CD163: variants seen among roughly 807,000 people sequenced by gnomAD.
CD163 encodes CD163 molecule.
A neutral mutation model predicts 129.2 loss-of-function variants in CD163; 64 were observed. That is an observed-to-expected ratio of 0.50 (90% confidence interval 0.41 to 0.61). The LOEUF (loss-of-function observed/expected upper bound fraction) is 0.61, where lower values mean the gene tolerates loss of function less well. Among genes scored for constraint, CD163 ranks in the 20% least tolerant of loss-of-function variants. The probability of loss-of-function intolerance (pLI) is 0.00; values close to 1 mark genes in which losing one functional copy is unlikely to be tolerated. For synonymous variants in CD163, 446 were observed against 478.5 expected, an observed-to-expected ratio of 0.93 and a Z score of 0.89; for missense variants, 1,061 against 1,377.9, an observed-to-expected ratio of 0.77 and a Z score of 3.64.
intron 16 of CD163, among the ~76,000 whole-genome samples, chr12:7,472,094 G>C (rs1949013414): frequency 6.6e-6 from 1 of 152,262 alleles, no homozygotes. Flanking sequence ...CCCTGGGACA[G>C]AGCACCTGGG....
Position 7,487,968 on chromosome 12 carries a change from C to T in CD163, c.1540G>A (p.Val514Ile), listed in dbSNP as rs774229513. The T allele has an allele frequency of 7.5e-5, 121 of 1,614,156 alleles. No individual in the cohort carries two copies. The highest frequency in any genetic ancestry group is 6.8e-4 in the South Asian group (62 of 91,080). The change falls in exon 7 of 17, where the codon GTT (valine) becomes ATT (isoleucine). Residue 514 changes from valine (V) to isoleucine (I), a missense_variant. By Grantham distance (29) the Val-to-Ile change is conservative (BLOSUM62 3). Transcript: ENST00000432237. The surrounding 1 kb of genome is among the most constrained non-coding windows in gnomAD (Gnocchi z 5.1). ...DSDFSLEAAS[V>I]LCRELQCGTV... is the part of the protein sequence containing the mutation. Reference sequence around the variant, plus strand: ...CCACACTGTAATTCCCTGCATAGAACGCTGGCAGCTTCCAGAGAGAAGTCC... The same window carrying T: ...CCACACTGTAATTCCCTGCATAGAATGCTGGCAGCTTCCAGAGAGAAGTCC...
In CD163 at chr12:7,483,160, G is replaced by C. The variant is rs1591996850; in HGVS notation, c.3089-156C>G. The C allele has an allele frequency of 3.6e-6, 3 of 829,632 alleles. No individual in the cohort carries two copies. The East Asian group carries it at 7.6e-5, about 21-fold the overall frequency. 51.4% of individuals were successfully genotyped at this position (829,632 alleles called of 1,614,324 possible). ...CCTCTAGTCTTTCTTTCTCTGCACAGGGAATATAGGTTGTATGTGTCTCCT... is the reference window on the plus strand; with the variant it reads ...CCTCTAGTCTTTCTTTCTCTGCACACGGAATATAGGTTGTATGTGTCTCCT... On this transcript the variant is annotated intron_variant, in intron 12 of 16. Transcript: ENST00000432237.
chr12:7,484,031 G>A (rs1338904574), intron 11 of CD163, among the ~76,000 whole-genome samples: 2 of 150,562 alleles, frequency 1.3e-5, no homozygotes, highest in South Asian at 2.1e-4. Context: ...TAGTAGAGAC[G>A]GGGTTTCACC....
intron 5 of CD163, 43 bp from the exon 6 acceptor site, chr12:7,495,444 G>T (rs375882622): frequency 3.2e-6 from 5 of 1,556,056 alleles, no homozygotes; most frequent in Non-Finnish European, 4.4e-6. Flanking sequence ...ACATATGGAG[G>T]TTAGCTTCCA....
In CD163 at chr12:7,471,392, G is replaced by A. The variant is rs772427443; in HGVS notation, c.*37C>T. On this transcript the variant is annotated 3_prime_UTR_variant, in exon 17 of 17. Transcript: ENST00000432237. ...AGGTCTTCATCAAGGTATCTTAAAGGCTGAACTAAAACCATAAATAGAAAA... is the reference window on the plus strand; with the variant it reads ...AGGTCTTCATCAAGGTATCTTAAAGACTGAACTAAAACCATAAATAGAAAA... 1 of 152,116 alleles carries A rather than the reference G, an allele frequency of 6.6e-6. No individual in the cohort carries two copies. Among genetic ancestry groups the A allele is most frequent in the Non-Finnish European group, 1.5e-5 (1 of 68,012 alleles). The allele number at this position is 152,116 out of a possible 1,614,324, so 9.4% of individuals were successfully genotyped here. A position where few individuals can be genotyped will look rare whatever the true frequency, so the allele number is the denominator to read the frequency against.
chr12:7,502,589 A>G, intron 1 of CD163, 25 bp from the exon 2 acceptor site: 1 of 1,205,170 alleles, frequency 8.3e-7, no homozygotes, highest in Non-Finnish European at 1.2e-6. Context: ...AGAGGGCAAA[A>G]GTAGCATCTT....
chr12:7,498,767 G>A (rs1423806169), intron 4 of CD163, 101 bp downstream of exon 4: 4 of 1,152,476 alleles, frequency 3.5e-6, no homozygotes, highest in Admixed American at 2.3e-5. Flanking sequence ...GACAAAAGAA[G>A]CAGACTTCAT....
At chr12:7,494,791 T>C (rs1565406368) in intron 6 of CD163, among the ~76,000 whole-genome samples, 1 of 152,208 alleles carries the variant, frequency 6.6e-6, no homozygotes, top group Non-Finnish European at 1.5e-5. Flanking sequence ...TTTGGTGACA[T>C]CCTGTGAAAG....
At chr12:7,474,952 A>G (rs1197209770) in intron 16 of CD163, among the ~76,000 whole-genome samples, 2 of 152,140 alleles carry the variant, frequency 1.3e-5, no homozygotes, top group Non-Finnish European at 2.9e-5. Context: ...AAACACCTCT[A>G]CACAAATAAA....
At position 7,471,183 on chromosome 12, in the gene CD163, C is replaced by G. The variant is rs1208441996; in HGVS notation, c.*246G>C. On this transcript the variant is annotated 3_prime_UTR_variant, in exon 17 of 17. Transcript: ENST00000432237. ...AATTAAAGCAAACTCAAATCAATAA[C>G]ATTCTTATTTATTTATTTAATTCCC... 1 of 152,192 alleles carries G rather than the reference C, an allele frequency of 6.6e-6. No individual in the cohort carries two copies. The highest frequency in any genetic ancestry group is 1.5e-5 in the Non-Finnish European group (1 of 68,000). The allele number at this position is 152,192 out of a possible 1,614,324, so 9.4% of individuals were successfully genotyped here.
chr12:7,498,710 G>A (rs1225406752), intron 4 of CD163, among the ~76,000 whole-genome samples, 158 bp downstream of exon 4: 1 of 152,104 alleles, frequency 6.6e-6, no homozygotes, highest in Non-Finnish European at 1.5e-5. Flanking sequence ...AAGGTAAAAA[G>A]TCCACAGGTA....
chr12:7,472,687 C>T (rs1294580659), intron 16 of CD163, among the ~76,000 whole-genome samples: 2 of 152,152 alleles, frequency 1.3e-5, no homozygotes, highest in Admixed American at 6.5e-5. Context: ...ATCACAACTC[C>T]TGTCCAGCAA....
chr12:7,478,629 A>G (rs7488732), intron 16 of CD163, among the ~76,000 whole-genome samples: 19,002 of 152,024 alleles, frequency 0.12, 1,947 homozygotes, highest in African/African-American at 0.27. Context: ...GTATATATAT[A>G]GTATGTAAAA....
intron 16 of CD163, among the ~76,000 whole-genome samples, chr12:7,478,569 A>G (rs1306048967): frequency 6.6e-6 from 1 of 152,144 alleles, no homozygotes; most frequent in Non-Finnish European, 1.5e-5. Context: ...CACATATATT[A>G]ACCCTTTTGT....
chr12:7,502,149 A>T (rs1482637561), intron 2 of CD163, among the ~76,000 whole-genome samples: 3 of 152,180 alleles, frequency 2.0e-5, no homozygotes, highest in East Asian at 3.9e-4. Flanking sequence ...ATTTGAATTT[A>T]CTAATGTGTT....
At chr12:7,499,269 T>C in intron 3 of CD163, 81 bp from the exon 4 acceptor site, 1 of 1,221,696 alleles carries the variant, frequency 8.2e-7, no homozygotes, top group Admixed American at 2.2e-5. Flanking sequence ...TCTGGACACT[T>C]GGGATTTTAT....
In CD163 at chr12:7,495,431, G is replaced by A. The variant is rs201137898; in HGVS notation, c.1100-30C>T. 7.0e-5 allele frequency: 112 copies of A among 1,595,824 alleles called. No homozygotes were observed. In the African/African-American group the frequency reaches 1.2e-3, roughly 18 times the overall value. On this transcript the variant is annotated intron_variant, in intron 5 of 16. Coordinates refer to ENST00000432237, the MANE Select transcript of CD163 (RefSeq NM_203416.4). ...AAAAGAAACATAAACTTAAACCATC[G>A]ATACATATGGAGGTTAGCTTCCAGA...
At chr12:7,476,629 A>G (rs913900258) in intron 16 of CD163, among the ~76,000 whole-genome samples, 7 of 152,276 alleles carry the variant, frequency 4.6e-5, no homozygotes, top group Non-Finnish European at 8.8e-5. Flanking sequence ...AAAACCATAA[A>G]AACCCTAGAA....
chr12:7,498,146 CAG>C (rs1555079445), intron 4 of CD163, among the ~76,000 whole-genome samples: 226 of 147,814 alleles, frequency 1.5e-3, no homozygotes, highest in Middle Eastern at 3.6e-3. Flanking sequence ...CACACACACA[CAG>C]AGAGAGAGAG....
Sources: gnomAD v4.1 joint callset for allele counts (sites outside exome capture counted in the v4.1 genomes callset) on GRCh38, gnomAD v4.1.1 for gene constraint, Gnocchi (gnomAD v3.1) non-coding constraint, MANE v1.5 for transcripts, NCBI Gene and HGNC (gene_info 2026-07-23, HGNC 2026-07-21) for gene names.